Variants in ERC2 observed in about 807,000 individuals in gnomAD.
The protein encoded by ERC2 is ERC protein 2.
ERC2 carries 42 observed loss-of-function variants against 114.8 expected under a neutral mutation model. That is an observed-to-expected ratio of 0.37 (90% CI 0.29 to 0.47). ERC2 has a LOEUF of 0.47. Ranked by LOEUF, ERC2 falls within the 20% of genes least tolerant of loss-of-function variation. ERC2 has a pLI of 0.99. For synonymous variants in ERC2, 454 were observed against 425.5 expected, an observed-to-expected ratio of 1.07 and a Z score of -0.82; for missense variants, 939 against 1,150.7, an observed-to-expected ratio of 0.82 and a Z score of 2.66.
At chr3:55,675,892 CTCTTTTCTT>C (rs765388943) in intron 17 of ERC2, among the ~76,000 whole-genome samples, 5,876 of 90,538 alleles carry the variant, frequency 0.065, 389 homozygotes, top group Non-Finnish European at 0.085. Context: ...ATCTTTCTTT[CTCTTTTCTT>C]TCTTTTTTTT....
chr3:56,245,549 C>T (rs185488697), intron 3 of ERC2, among the ~76,000 whole-genome samples: 72 of 151,432 alleles, frequency 4.8e-4, no homozygotes, highest in Non-Finnish European at 8.1e-4. Context: ...TAGATATACA[C>T]TCTTAGTCAT....
At chr3:56,081,042 T>A in intron 6 of ERC2, 58 bp from the exon 7 acceptor site, 1 of 1,577,388 alleles carries the variant, frequency 6.3e-7, no homozygotes, top group Non-Finnish European at 8.6e-7. Context: ...TCAATAACCA[T>A]CAATTGTGCC....
chr3:55,824,438 T>A (rs888779993), intron 14 of ERC2, among the ~76,000 whole-genome samples: 8 of 152,176 alleles, frequency 5.3e-5, no homozygotes, highest in African/African-American at 1.9e-4. Flanking sequence ...TAAACTCCCA[T>A]ATGAGTAAGA....
At chr3:55,939,631 T>C (rs1237775891) in intron 13 of ERC2, among the ~76,000 whole-genome samples, 2 of 152,240 alleles carry the variant, frequency 1.3e-5, no homozygotes, top group Non-Finnish European at 2.9e-5. Context: ...TGAATCTAGA[T>C]TATATCAACC....
intron 2 of ERC2, among the ~76,000 whole-genome samples, chr3:56,362,706 G>A (rs1220200079): frequency 2.0e-5 from 3 of 152,162 alleles, no homozygotes; most frequent in Admixed American, 2.0e-4. Flanking sequence ...AGCCTATTCA[G>A]AAGGGACAAT....
At chr3:56,344,762 T>C (rs1190035744) in intron 2 of ERC2, among the ~76,000 whole-genome samples, 1 of 152,200 alleles carries the variant, frequency 6.6e-6, no homozygotes, top group Non-Finnish European at 1.5e-5. Context: ...CACCGAACAA[T>C]GACTGAGTGC....
At chr3:55,795,426 T>C (rs931056301) in intron 14 of ERC2, among the ~76,000 whole-genome samples, 1 of 152,200 alleles carries the variant, frequency 6.6e-6, no homozygotes, top group African/African-American at 2.4e-5. Context: ...ATAAGAACAC[T>C]GGGATCCTGC....
intron 14 of ERC2, among the ~76,000 whole-genome samples, chr3:55,737,485 G>A (rs1301475843): frequency 1.3e-5 from 2 of 152,160 alleles, no homozygotes; most frequent in African/African-American, 4.8e-5. Context: ...TTTGCTATCT[G>A]CTATTCCAAA....
At chr3:55,830,337 T>G (rs2060514106) in intron 14 of ERC2, among the ~76,000 whole-genome samples, 1 of 152,180 alleles carries the variant, frequency 6.6e-6, no homozygotes, top group Non-Finnish European at 1.5e-5. Context: ...AAAAAGTTGC[T>G]CAGACTAAAG....
intron 2 of ERC2, among the ~76,000 whole-genome samples, chr3:56,305,685 C>A (rs1364534082): frequency 6.6e-6 from 1 of 152,232 alleles, no homozygotes; most frequent in Non-Finnish European, 1.5e-5. Context: ...ACTCACCATG[C>A]ATATCCTCAC....
chr3:56,170,763 A>ATTTTTT lies in ERC2; in HGVS notation c.1149+2677_1149+2682dup, dbSNP rs71099618. Among the ~76,000 whole-genome samples, 584 of 118,564 alleles carry ATTTTTT rather than the reference A, an allele frequency of 4.9e-3. 21 individuals carry two copies. Among genetic ancestry groups the ATTTTTT allele is most frequent in the African/African-American group, 0.012 (364 of 30,714 alleles). The allele number at this position is 118,564 out of a possible 152,430, so 77.8% of individuals were successfully genotyped here. On this transcript the variant is annotated intron_variant, in intron 4 of 17. Transcript: ENST00000288221. ...AGCTGCCCGCCACCACACCTGGCTA[A>ATTTTTT]TTTTTTTTTTTTTTTTTCTGAGACA...
intron 17 of ERC2, among the ~76,000 whole-genome samples, chr3:55,650,305 C>T (rs971874782): frequency 1.8e-4 from 28 of 152,174 alleles, no homozygotes; most frequent in Non-Finnish European, 4.4e-5. Flanking sequence ...TACTGACTCT[C>T]ACTTAAGGCT....
intron 2 of ERC2, among the ~76,000 whole-genome samples, chr3:56,388,697 C>T (rs955179835): frequency 3.3e-5 from 5 of 152,126 alleles, no homozygotes; most frequent in African/African-American, 1.2e-4. Flanking sequence ...TGTCACAATA[C>T]TCTACCCACA....
chr3:55,680,204 G>T (rs1176572539), intron 17 of ERC2, among the ~76,000 whole-genome samples: 2 of 152,190 alleles, frequency 1.3e-5, no homozygotes, highest in African/African-American at 4.8e-5. Context: ...GTATTTTTAT[G>T]AATCGGGTCC....
chr3:55,761,045 G>A (rs2067395961), intron 14 of ERC2, among the ~76,000 whole-genome samples: 1 of 152,188 alleles, frequency 6.6e-6, no homozygotes, highest in African/African-American at 2.4e-5. Context: ...ATTCTGTGAT[G>A]CAGAGCCTGT....
chr3:55,923,175 A>G (rs1048228271), intron 13 of ERC2, among the ~76,000 whole-genome samples: 10 of 152,224 alleles, frequency 6.6e-5, no homozygotes, highest in Admixed American at 1.3e-4. Context: ...TGATATATAC[A>G]TGCAATGGAA....
At chr3:56,203,393 T>C (rs571285922) in intron 3 of ERC2, among the ~76,000 whole-genome samples, 1 of 152,360 alleles carries the variant, frequency 6.6e-6, no homozygotes, top group Admixed American at 6.5e-5. Context: ...AATTAGGTCT[T>C]ACTCATGCTG....
At position 56,139,819 on chromosome 3, in the gene ERC2, G is replaced by C. The variant is rs111958074; in HGVS notation, c.1306-143C>G. 147 of 896,110 alleles carry C rather than the reference G, an allele frequency of 1.6e-4. No individual in the cohort carries two copies. In the African/African-American group the frequency reaches 2.1e-3, roughly 13 times the overall value. 55.5% of individuals were successfully genotyped at this position (896,110 alleles called of 1,614,324 possible). On this transcript the variant is annotated intron_variant, in intron 5 of 17. Transcript: ENST00000288221. ...GGCCACGAATTTGCTTAAAAAAGAT[G>C]GCCTTGGGAATCACACAGTCTTTGG...
chr3:56,449,074 CAAAAAA>C lies in ERC2; in HGVS notation c.-140-13933_-140-13928del, dbSNP rs34335399. ...TGGGCAACAGAGCGAGACTCCATCT[CAAAAAA>C]AAAAAAAAAAAAGTGGTAGTTGGAT... On this transcript the variant is annotated intron_variant, in intron 1 of 17. Coordinates refer to ENST00000288221, the MANE Select transcript of ERC2 (RefSeq NM_015576.3). Among the ~76,000 whole-genome samples, 159 of 112,254 alleles carry C rather than the reference CAAAAAA, an allele frequency of 1.4e-3. 1 individual carries two copies. The highest frequency in any genetic ancestry group is 5.2e-3 in the African/African-American group (146 of 28,312). 73.6% of individuals were successfully genotyped at this position (112,254 alleles called of 152,430 possible). A position where few individuals can be genotyped will look rare whatever the true frequency, so the allele number is the denominator to read the frequency against.
Sources: gnomAD v4.1 joint callset for allele counts (sites outside exome capture counted in the v4.1 genomes callset) on GRCh38, gnomAD v4.1.1 for gene constraint, MANE v1.5 for transcripts, NCBI Gene and HGNC (gene_info 2026-07-23, HGNC 2026-07-21) for gene names.